VASH2: variants seen among roughly 807,000 people sequenced by gnomAD.
The protein encoded by VASH2 is vasohibin 2.
A neutral mutation model predicts 37.2 loss-of-function variants in VASH2; 28 were observed. The observed-to-expected ratio is 0.75, with a 90% CI of 0.56 to 1.03. The LOEUF is 1.03. Ranked by LOEUF, VASH2 falls within the 50% of genes least tolerant of loss-of-function variation. VASH2 has a pLI of 0.00. For missense variants in VASH2, 419 were observed against 459.1 expected, an observed-to-expected ratio of 0.91 and a Z score of 0.80; for synonymous variants, 188 against 174.7, an observed-to-expected ratio of 1.08 and a Z score of -0.60.
intron 7 of VASH2, among the ~76,000 whole-genome samples, chr1:212,986,843 TAAG>T (rs1383674491): frequency 6.6e-6 from 1 of 152,080 alleles, no homozygotes; most frequent in South Asian, 2.1e-4. Flanking sequence ...CACAAAGAAA[TAAG>T]AGGCATAATT....
intron 7 of VASH2, among the ~76,000 whole-genome samples, chr1:212,988,205 G>C (rs868663600): frequency 1.3e-5 from 2 of 152,186 alleles, no homozygotes; most frequent in African/African-American, 2.4e-5. Flanking sequence ...CAAGGTTCAA[G>C]AGTACTGGGT....
chr1:212,955,733 A>G (rs1162311347), intron 2 of VASH2, among the ~76,000 whole-genome samples: 1 of 152,178 alleles, frequency 6.6e-6, no homozygotes, highest in East Asian at 1.9e-4. Context: ...CATTTAGAGG[A>G]CCGAGCTTCA....
chr1:212,963,146 G>A (rs971382098), intron 3 of VASH2, among the ~76,000 whole-genome samples: 1 of 152,192 alleles, frequency 6.6e-6, no homozygotes, highest in Non-Finnish European at 1.5e-5. Flanking sequence ...TGCTCACACT[G>A]CTGTAAACCT....
intron 5 of VASH2, among the ~76,000 whole-genome samples, chr1:212,970,998 A>G (rs1390036936): frequency 6.6e-6 from 1 of 151,060 alleles, no homozygotes; most frequent in African/African-American, 2.4e-5. Context: ...CCACCGTTCT[A>G]CTCTCTGTCT....
intron 3 of VASH2, 64 bp downstream of exon 3, chr1:212,961,318 G>A: frequency 6.2e-7 from 1 of 1,611,084 alleles, no homozygotes; most frequent in Non-Finnish European, 8.5e-7. Flanking sequence ...TCGCAAGCCT[G>A]GTGGCAAATC....
intron 2 of VASH2, among the ~76,000 whole-genome samples, chr1:212,952,114 T>G (rs1049736466): frequency 6.6e-6 from 1 of 152,184 alleles, no homozygotes; most frequent in African/African-American, 2.4e-5. Flanking sequence ...CACCCCCACA[T>G]ACATCCTCCT....
At position 212,974,037 on chromosome 1, in the gene VASH2, G is replaced by C; in HGVS notation, c.962G>C (p.Ser321Thr). ...KSLSPRRRQA[S>T]PPRRLGRREK... ...CTGTCCCCCAGAAGGAGACAGGCAAGCCCCCCGAGGAGGCTCGGCCGGCGA... is the reference window on the plus strand; with the variant it reads ...CTGTCCCCCAGAAGGAGACAGGCAACCCCCCCGAGGAGGCTCGGCCGGCGA... The change falls in exon 7 of 8, where the codon AGC becomes ACC. Residue 321 changes from serine (S) to threonine (T), a missense_variant. Around this residue, in one of 3 missense-constraint regions of VASH2, gnomAD observed 177 missense variants for 166.2 expected, o/e 1.06. Transcript: ENST00000517399. 6.2e-7 allele frequency: 1 copy of C among 1,613,720 alleles called. No homozygotes were observed. Among genetic ancestry groups the C allele is most frequent in the Non-Finnish European group, 8.5e-7 (1 of 1,179,790 alleles).
intron 3 of VASH2, among the ~76,000 whole-genome samples, chr1:212,964,603 C>G (rs903249148): frequency 2.6e-5 from 4 of 152,206 alleles, no homozygotes; most frequent in Non-Finnish European, 5.9e-5. Flanking sequence ...TCTGGGCAGT[C>G]AGCTAAATCC....
chr1:212,985,090 C>G (rs1667438765), intron 7 of VASH2, among the ~76,000 whole-genome samples: 1 of 150,770 alleles, frequency 6.6e-6, no homozygotes, highest in South Asian at 2.1e-4. Context: ...TGTGCAATCT[C>G]AGCTCACCGC....
At chr1:212,968,052 T>C (rs1666903205) in intron 5 of VASH2, 1 of 298,126 alleles carries the variant, frequency 3.4e-6, no homozygotes, top group Non-Finnish European at 5.0e-6. Flanking sequence ...TGCATGATAA[T>C]GCCACAAGGG....
intron 7 of VASH2, among the ~76,000 whole-genome samples, chr1:212,978,444 A>T (rs139673342): frequency 2.2e-3 from 342 of 152,308 alleles, no homozygotes; most frequent in Admixed American, 5.6e-3. Context: ...GAAGAGGGGA[A>T]TTCTCTTCCA....
chr1:212,968,701 G>A, intron 5 of VASH2: 1 of 985,514 alleles, frequency 1.0e-6, no homozygotes, highest in South Asian at 4.7e-5. Flanking sequence ...ATGGCTCAGG[G>A]CCCCAACTCT....
In VASH2 at chr1:212,971,992, G is replaced by T. The variant is rs1667024645; in HGVS notation, c.498-588G>T. On this transcript the variant is annotated intron_variant, in intron 5 of 7. Transcript: ENST00000517399. This position sits in a 1 kb window ranked among gnomAD's most constrained non-coding sequence, Gnocchi z 4.0. The stretch of plus-strand genomic sequence containing the variant: ...TGGGTAAGCACCAAGTGCCATGGGG[G>T]TTCTTGTGTGTTTTGGAAAGATGAT... Among the ~76,000 whole-genome samples the T allele has an allele frequency of 6.6e-6, 1 of 152,204 alleles. No homozygotes were observed.
At chr1:212,981,765 G>A (rs1170296164) in intron 7 of VASH2, among the ~76,000 whole-genome samples, 5 of 152,174 alleles carry the variant, frequency 3.3e-5, no homozygotes, top group Non-Finnish European at 5.9e-5. Context: ...GAGAGACTGG[G>A]TGGTTGAGGG....
chr1:212,967,019 AG>A, intron 5 of VASH2: 1 of 1,006,960 alleles, frequency 9.9e-7, no homozygotes. Context: ...TGTTGAGATT[AG>A]AGGCAGGAGC....
chr1:212,957,347 TA>T (rs1467730164), intron 2 of VASH2, among the ~76,000 whole-genome samples: 1 of 152,238 alleles, frequency 6.6e-6, no homozygotes, highest in African/African-American at 2.4e-5. Context: ...CACTGAGGCC[TA>T]AAGATTTTTC....
At chr1:212,955,684 C>A (rs1002659296) in intron 2 of VASH2, among the ~76,000 whole-genome samples, 1 of 152,186 alleles carries the variant, frequency 6.6e-6, no homozygotes, top group Non-Finnish European at 1.5e-5. Context: ...ACTTCTTGTG[C>A]CTTATTCTCG....
rs1253021238 is a variant in VASH2, at chr1:212,988,634, C to A, written c.*50C>A. The A allele has an allele frequency of 6.4e-7, 1 of 1,573,164 alleles. No homozygotes were observed. The highest frequency in any genetic ancestry group is 1.1e-5 in the South Asian group (1 of 90,088). On this transcript the variant is annotated 3_prime_UTR_variant, in exon 8 of 8. Coordinates refer to ENST00000517399, the MANE Select transcript of VASH2 (RefSeq NM_001301056.2). Reference sequence around the variant, plus strand: ...GGTTTCTGTGGTGCTTCTCTCTGCACTTTACCCAGCATCTTCAGGAGGAAC... The same window carrying A: ...GGTTTCTGTGGTGCTTCTCTCTGCAATTTACCCAGCATCTTCAGGAGGAAC...
intron 6 of VASH2, chr1:212,973,667 C>T (rs991483654): frequency 3.1e-5 from 39 of 1,249,154 alleles, no homozygotes; most frequent in South Asian, 7.6e-5. Flanking sequence ...AACACAGCCC[C>T]GGGGAGACTG....
Sources: gnomAD v4.1 joint callset for allele counts (sites outside exome capture counted in the v4.1 genomes callset) on GRCh38, gnomAD v4.1.1 for gene constraint, gnomAD v4.1.1 regional missense constraint, Gnocchi (gnomAD v3.1) non-coding constraint, MANE v1.5 for transcripts, NCBI Gene and HGNC (gene_info 2026-07-23, HGNC 2026-07-21) for gene names.